MIPOL1: variants seen among roughly 807,000 people sequenced by gnomAD.
MIPOL1 encodes the protein mirror-image polydactyly 1.
MIPOL1 carries 57 observed loss-of-function variants against 60.9 expected under a neutral mutation model. The ratio of observed to expected loss-of-function variants is 0.94; its 90% CI spans 0.76 to 1.17. MIPOL1 has a LOEUF of 1.17. Among genes scored for constraint, MIPOL1 ranks in the 50% most tolerant of loss-of-function variants. The probability of loss-of-function intolerance (pLI) is 0.00; values close to 1 mark genes in which losing one functional copy is unlikely to be tolerated. For synonymous variants in MIPOL1, 179 were observed against 168.8 expected (o/e 1.06, Z -0.47); for missense variants, 551 against 511.6 (o/e 1.08, Z -0.74).
Position 37,509,253 on chromosome 14 carries a change from G to A in MIPOL1, c.1262+9115G>A, listed in dbSNP as rs2095306390. 2.0e-5 allele frequency among the ~76,000 whole-genome samples: 3 copies of A among 151,888 alleles called. No individual in the cohort carries two copies. In the South Asian group the frequency reaches 6.2e-4, roughly 32 times the overall value. The stretch of plus-strand genomic sequence containing the variant: ...CTCACTCCCCTGAAAGTAAAGTCCT[G>A]CCCATTCTCCTGTATTTCCTGCCTC... On this transcript the variant is annotated intron_variant, in intron 12 of 12. Transcript: ENST00000684589.
intron 1 of MIPOL1, among the ~76,000 whole-genome samples, chr14:37,228,398 A>G (rs575315543): frequency 4.8e-4 from 64 of 133,114 alleles, no homozygotes; most frequent in Non-Finnish European, 8.6e-4. Flanking sequence ...TTTGCAGTTC[A>G]TTGTCTTAAG....
chr14:37,417,722 A>G (rs981431602), intron 10 of MIPOL1, among the ~76,000 whole-genome samples: 3 of 152,180 alleles, frequency 2.0e-5, no homozygotes, highest in Non-Finnish European at 4.4e-5. Flanking sequence ...ATACCCAATT[A>G]TATATTTTAT....
At chr14:37,308,807 A>G (rs1241929075) in intron 9 of MIPOL1, among the ~76,000 whole-genome samples, 3 of 152,260 alleles carry the variant, frequency 2.0e-5, no homozygotes, top group African/African-American at 7.2e-5. Context: ...TATTTTTTCA[A>G]CTAATCACTT....
intron 9 of MIPOL1, among the ~76,000 whole-genome samples, chr14:37,348,114 G>T (rs994961255): frequency 6.6e-6 from 1 of 151,928 alleles, no homozygotes; most frequent in African/African-American, 2.4e-5. Context: ...CCATCTTTAC[G>T]TCCATGCATA....
chr14:37,456,387 A>G (rs2094476618), intron 11 of MIPOL1, among the ~76,000 whole-genome samples: 5 of 152,110 alleles, frequency 3.3e-5, no homozygotes, highest in Non-Finnish European at 7.4e-5. Context: ...TACTTATATT[A>G]TGGGTAAGTT....
chr14:37,425,840 A>G (rs539435958), intron 11 of MIPOL1, among the ~76,000 whole-genome samples: 5 of 152,322 alleles, frequency 3.3e-5, no homozygotes, highest in Non-Finnish European at 7.3e-5. Flanking sequence ...TATCCTTTAC[A>G]TTGGAAATTC....
intron 10 of MIPOL1, among the ~76,000 whole-genome samples, chr14:37,376,354 T>G (rs775190848): frequency 2.6e-5 from 4 of 152,180 alleles, no homozygotes; most frequent in Non-Finnish European, 4.4e-5. Context: ...CCTGACCAGC[T>G]TTTTGCTGTT....
chr14:37,441,747 T>G (rs1044949624), intron 11 of MIPOL1, among the ~76,000 whole-genome samples: 4 of 152,142 alleles, frequency 2.6e-5, no homozygotes, highest in Non-Finnish European at 5.9e-5. Context: ...TAGTTATTCA[T>G]ACTCTCTTTT....
At chr14:37,203,379 G>C (rs1299678900) in intron 1 of MIPOL1, among the ~76,000 whole-genome samples, 1 of 152,162 alleles carries the variant, frequency 6.6e-6, no homozygotes, top group Admixed American at 6.5e-5. Flanking sequence ...AGAGACCGTA[G>C]GGGTCATTTA....
chr14:37,490,527 G>A (rs1480854538), intron 11 of MIPOL1, among the ~76,000 whole-genome samples: 1 of 152,184 alleles, frequency 6.6e-6, no homozygotes, highest in African/African-American at 2.4e-5. Flanking sequence ...CTAGCTCGGT[G>A]TCTGCCCAAA....
chr14:37,305,623 C>G (rs550954117), intron 7 of MIPOL1, among the ~76,000 whole-genome samples: 1 of 151,690 alleles, frequency 6.6e-6, no homozygotes, highest in East Asian at 1.9e-4. Flanking sequence ...CTGTGATATC[C>G]GTGATATTTC....
chr14:37,518,905 T>C (rs2095391441), intron 12 of MIPOL1, among the ~76,000 whole-genome samples: 1 of 127,290 alleles, frequency 7.9e-6, no homozygotes, highest in Non-Finnish European at 1.6e-5. Context: ...AAATTTGGGA[T>C]GTCTTGTGAA....
intron 7 of MIPOL1, among the ~76,000 whole-genome samples, chr14:37,304,096 T>C (rs2086574761): frequency 6.6e-6 from 1 of 151,848 alleles, no homozygotes; most frequent in Non-Finnish European, 1.5e-5. Context: ...CTGTTTTTGC[T>C]TGACTGAAAG....
At chr14:37,374,027 A>G (rs1448047663) in intron 10 of MIPOL1, among the ~76,000 whole-genome samples, 3 of 152,116 alleles carry the variant, frequency 2.0e-5, no homozygotes, top group African/African-American at 7.2e-5. Context: ...CTATTTCTCC[A>G]CATCCTCTCC....
chr14:37,255,413 C>A (rs1376923105), intron 3 of MIPOL1, among the ~76,000 whole-genome samples: 1 of 151,684 alleles, frequency 6.6e-6, no homozygotes, highest in Non-Finnish European at 1.5e-5. Flanking sequence ...ATTTTAAATA[C>A]ATTTTTAAAA....
At chr14:37,539,994 T>C (rs1185639431) in intron 12 of MIPOL1, among the ~76,000 whole-genome samples, 2 of 152,156 alleles carry the variant, frequency 1.3e-5, no homozygotes, top group African/African-American at 4.8e-5. Context: ...CCCTTTTGCT[T>C]TACACTTCTC....
chr14:37,348,187 T>C (rs1476507661), intron 9 of MIPOL1, among the ~76,000 whole-genome samples: 3 of 152,206 alleles, frequency 2.0e-5, no homozygotes, highest in African/African-American at 7.2e-5. Context: ...TGTTTTTGCA[T>C]TAATTTGCAT....
At chr14:37,507,639 T>C (rs2095290353) in intron 12 of MIPOL1, 2 of 152,100 alleles carry the variant, frequency 1.3e-5, no homozygotes, top group Admixed American at 1.3e-4. Context: ...AGCATTAAGA[T>C]AAATACCTAA....
intron 3 of MIPOL1, among the ~76,000 whole-genome samples, chr14:37,258,407 CTT>C (rs987339654): frequency 3.9e-5 from 6 of 151,922 alleles, no homozygotes; most frequent in Non-Finnish European, 8.8e-5. Flanking sequence ...TTTTAATTAA[CTT>C]ATACAAATTA....
Sources: gnomAD v4.1 joint callset for allele counts (sites outside exome capture counted in the v4.1 genomes callset) on GRCh38, gnomAD v4.1.1 for gene constraint, MANE v1.5 for transcripts, NCBI Gene and HGNC (gene_info 2026-07-23, HGNC 2026-07-21) for gene names.